Variants in LRIG1 observed in about 807,000 individuals in gnomAD.
LRIG1 encodes the protein leucine-rich repeats and immunoglobulin-like domains protein 1.
Under a neutral mutation model 99.2 loss-of-function variants are expected in LRIG1, and 48 were observed. That is an observed-to-expected ratio of 0.48 (90% confidence interval 0.38 to 0.62). LRIG1 has a LOEUF of 0.62. Ranked by LOEUF, LRIG1 falls within the 20% of genes least tolerant of loss-of-function variation. LRIG1 has a pLI of 0.00. For synonymous variants in LRIG1, 772 were observed against 596.1 expected, an observed-to-expected ratio of 1.29 and a Z score of -4.30; for missense variants, 1,646 against 1,434.4, an observed-to-expected ratio of 1.15 and a Z score of -2.38.
chr3:66,460,240 C>G (rs1700325798), intron 2 of LRIG1, among the ~76,000 whole-genome samples: 1 of 152,138 alleles, frequency 6.6e-6, no homozygotes, highest in South Asian at 2.1e-4. Context: ...CAATTTTGTC[C>G]AGTCCTAAAA....
rs138365541 is a variant in LRIG1 at position 66,500,930 on chromosome 3, AGC to A, written c.-525_-524del. On this transcript the variant is annotated 5_prime_UTR_variant, in exon 1 of 19. Coordinates refer to ENST00000273261, the MANE Select transcript of LRIG1 (RefSeq NM_015541.3). Reference sequence around the variant, plus strand: ...CGCTGTCCCCACGCCGCGGCCAGAGAGCGCGCGCGCGCGCGCAGCCTCGGGTT... The same window carrying A: ...CGCTGTCCCCACGCCGCGGCCAGAGAGCGCGCGCGCGCGCAGCCTCGGGTT... The A allele has an allele frequency of 6.6e-5, 10 of 150,838 alleles. No individual in the cohort carries two copies. Among genetic ancestry groups the A allele is most frequent in the Admixed American group, 2.0e-4 (3 of 15,180 alleles). The allele number at this position is 150,838 out of a possible 1,614,324, so 9.3% of individuals were successfully genotyped here.
At chr3:66,480,798 G>A (rs1027708139) in intron 1 of LRIG1, among the ~76,000 whole-genome samples, 6 of 152,168 alleles carry the variant, frequency 3.9e-5, no homozygotes, top group Non-Finnish European at 5.9e-5. Flanking sequence ...ATTTAGCAAG[G>A]CTGTGGAAAG....
chr3:66,472,607 T>C (rs1700628456), intron 1 of LRIG1, among the ~76,000 whole-genome samples: 1 of 152,182 alleles, frequency 6.6e-6, no homozygotes, highest in South Asian at 2.1e-4. Context: ...AAATTGCTCC[T>C]GGTCATGAGA....
chr3:66,451,265 C>T (rs1319141354), intron 3 of LRIG1, among the ~76,000 whole-genome samples: 1 of 151,710 alleles, frequency 6.6e-6, no homozygotes, highest in East Asian at 1.9e-4. Context: ...GCAGCTTAAC[C>T]AACCACAGAA....
Position 66,429,947 on chromosome 3 carries a change from G to A in LRIG1, c.366-12681C>T, listed in dbSNP as rs565320795. On this transcript the variant is annotated intron_variant, in intron 3 of 18. Coordinates refer to ENST00000273261, the MANE Select transcript of LRIG1 (RefSeq NM_015541.3). Reference sequence around the variant, plus strand: ...ACAAAACCTCCTAAAGTATTAAGTAGTCCTGCAGTCTCGACTGGGTAGAAT... The same window carrying A: ...ACAAAACCTCCTAAAGTATTAAGTAATCCTGCAGTCTCGACTGGGTAGAAT... Among the ~76,000 whole-genome samples the A allele has an allele frequency of 1.6e-3, 239 of 152,216 alleles. 1 individual carries two copies. Among genetic ancestry groups the A allele is most frequent in the African/African-American group, 5.6e-3 (231 of 41,534 alleles).
chr3:66,394,654 T>TA (rs1701771966), intron 11 of LRIG1, among the ~76,000 whole-genome samples: 1 of 152,232 alleles, frequency 6.6e-6, no homozygotes, highest in Admixed American at 6.5e-5. Flanking sequence ...ACTTTCCTGA[T>TA]AAACTACTTG....
At chr3:66,405,070 C>G in intron 9 of LRIG1, 128 bp downstream of exon 9, 3 of 770,038 alleles carry the variant, frequency 3.9e-6, no homozygotes, top group Non-Finnish European at 6.5e-6. Context: ...AGCTCTGCCC[C>G]AAACAAAAGC....
chr3:66,414,713 G>A (rs1276562759), intron 5 of LRIG1, among the ~76,000 whole-genome samples: 1 of 152,178 alleles, frequency 6.6e-6, no homozygotes, highest in Non-Finnish European at 1.5e-5. Flanking sequence ...GACCTCAGTG[G>A]ATGTCTTTCT....
chr3:66,491,396 G>A (rs1007728767), intron 1 of LRIG1, among the ~76,000 whole-genome samples: 3 of 152,162 alleles, frequency 2.0e-5, no homozygotes, highest in African/African-American at 7.2e-5. Context: ...GGAGAAAGTG[G>A]AAGGTTAATC....
Position 66,394,282 on chromosome 3 carries a change from C to T in LRIG1, c.1305-79G>A, listed in dbSNP as rs566845391. The T allele has an allele frequency of 7.3e-4, 899 of 1,237,018 alleles. 16 individuals are homozygous for T. In the South Asian group the frequency reaches 0.013, roughly 18 times the overall value. 76.6% of individuals were successfully genotyped at this position (1,237,018 alleles called of 1,614,324 possible). On this transcript the variant is annotated intron_variant, in intron 11 of 18. Coordinates refer to ENST00000273261, the MANE Select transcript of LRIG1 (RefSeq NM_015541.3). ...TCCCTTCACACACACAATGATCAGT[C>T]GCCTCCAATCAGCTTCTCAAGTGAA...
intron 9 of LRIG1, chr3:66,404,568 G>T: frequency 4.2e-6 from 1 of 238,348 alleles, no homozygotes; most frequent in Non-Finnish European, 6.8e-6. Flanking sequence ...GTAGTTTTGG[G>T]CGAAATCCCC....
intron 1 of LRIG1, among the ~76,000 whole-genome samples, 157 bp downstream of exon 1, chr3:66,500,033 G>T (rs370859552): frequency 4.0e-5 from 6 of 151,710 alleles, no homozygotes; most frequent in African/African-American, 1.5e-4. Context: ...TCTCCCTTCC[G>T]CCACTCCAAC....
Position 66,380,639 on chromosome 3 carries a change from C to T in LRIG1, c.2993G>A (p.Ser998Asn). 1 of 1,614,218 alleles carries T rather than the reference C, an allele frequency of 6.2e-7. No individual in the cohort carries two copies. ...AGCCGTCAGCATTCTATCGTGGTTA[C>T]TGGGGTAGAGCGACCCTTGGCACTC... ...CPECQGSLYP[S>N]NHDRMLTAVK... The change falls in exon 18 of 19, where the codon AGT becomes AAT. Residue 998 changes from serine (S) to asparagine (N), a missense_variant. Physicochemically the swap from Ser to Asn is conservative, Grantham distance 46 (BLOSUM62 1). Transcript: ENST00000273261.
At chr3:66,497,496 G>A (rs1450110830) in intron 1 of LRIG1, among the ~76,000 whole-genome samples, 3 of 151,990 alleles carry the variant, frequency 2.0e-5, no homozygotes, top group Non-Finnish European at 2.9e-5. Context: ...TCTCACCTAC[G>A]TAATGGGCTG....
chr3:66,422,104 C>A (rs1054255042), intron 3 of LRIG1, among the ~76,000 whole-genome samples: 2 of 152,248 alleles, frequency 1.3e-5, no homozygotes, highest in East Asian at 1.9e-4. Flanking sequence ...CACGAAACCA[C>A]TTTTTCCTCC....
chr3:66,470,850 G>T lies in LRIG1; in HGVS notation c.219-8341C>A, dbSNP rs530089100. ...CCAAAAATCTTAGTTTGGCCAAAAA[G>T]AAACAAAATAATTAGCTATAATGGG... On this transcript the variant is annotated intron_variant, in intron 1 of 18. Transcript: ENST00000273261. Among the ~76,000 whole-genome samples the T allele has an allele frequency of 2.6e-5, 4 of 152,250 alleles. 1 individual carries two copies. The South Asian group carries it at 8.3e-4, about 32-fold the overall frequency.
At position 66,383,155 on chromosome 3, in the gene LRIG1, C is replaced by A. The variant is rs779225873; in HGVS notation, c.2318G>T (p.Arg773Leu). Residue 773 changes from arginine (R) to leucine (L), a missense_variant, in exon 15 of 19, where the codon CGA becomes CTA. Arg to Leu is a moderately radical substitution (Grantham distance 102). Coordinates refer to ENST00000273261, the MANE Select transcript of LRIG1 (RefSeq NM_015541.3). ...CAGGACGCTCAGCTGGCTGTGAGCT[C>A]GCTCCGTGCCCAGGGTGTTGGACAT... is the stretch of plus-strand genomic sequence containing the variant. ...CEMSNTLGTERAHSQLSVLPA... is the reference protein window; with the variant it reads ...CEMSNTLGTELAHSQLSVLPA... 6.2e-7 allele frequency: 1 copy of A among 1,614,240 alleles called. No individual in the cohort carries two copies. Among genetic ancestry groups the A allele is most frequent in the Admixed American group, 1.7e-5 (1 of 60,034 alleles).
intron 3 of LRIG1, among the ~76,000 whole-genome samples, chr3:66,425,592 AG>A (rs751482522): frequency 1.3e-5 from 2 of 152,322 alleles, no homozygotes; most frequent in East Asian, 1.9e-4. Context: ...GGATGGTGCA[AG>A]GCAAGAGGAC....
Position 66,405,182 on chromosome 3 carries a change from T to A in LRIG1, c.1160+16A>T. The stretch of plus-strand genomic sequence containing the variant: ...CCGCGCATTTGCCGGCGGAGCTCCG[T>A]GCGGCGGATACTCACAGCTTGCTGA... On this transcript the variant is annotated intron_variant, in intron 9 of 18. Transcript: ENST00000273261. 1 of 1,612,590 alleles carries A rather than the reference T, an allele frequency of 6.2e-7. No individual in the cohort carries two copies. The highest frequency in any genetic ancestry group is 8.5e-7 in the Non-Finnish European group (1 of 1,178,788).
Sources: allele counts gnomAD v4.1 joint callset (sites outside exome capture counted in the v4.1 genomes callset), GRCh38; gene constraint gnomAD v4.1.1; transcripts MANE v1.5; gene names NCBI Gene and HGNC (gene_info 2026-07-23, HGNC 2026-07-21).